CCDC191: variants seen among roughly 807,000 people sequenced by gnomAD.
CCDC191 encodes coiled-coil domain-containing protein 191.
A neutral mutation model predicts 114.0 loss-of-function variants in CCDC191; 99 were observed. The observed-to-expected ratio is 0.87, with a 90% CI of 0.74 to 1.03. The LOEUF (loss-of-function observed/expected upper bound fraction) is 1.03. CCDC191 is among the 50% of genes least tolerant of loss of function. The probability of loss-of-function intolerance (pLI) is 0.00; values close to 1 mark genes in which losing one functional copy is unlikely to be tolerated. For missense variants in CCDC191, 973 were observed against 1,087.0 expected (o/e 0.90, Z 1.47); for synonymous variants, 351 against 376.0 (o/e 0.93, Z 0.77).
At chr3:113,997,851 G>A (rs2107649285) in intron 13 of CCDC191, among the ~76,000 whole-genome samples, 1 of 152,234 alleles carries the variant, frequency 6.6e-6, no homozygotes, top group South Asian at 2.1e-4. Context: ...AATTCATAGT[G>A]CCACACATTA....
chr3:114,000,177 G>A (rs1386934733), intron 13 of CCDC191, among the ~76,000 whole-genome samples: 1 of 152,204 alleles, frequency 6.6e-6, no homozygotes, highest in Non-Finnish European at 1.5e-5. Context: ...ATTAGCATTT[G>A]AGTTGGTGGC....
intron 13 of CCDC191, among the ~76,000 whole-genome samples, chr3:113,986,416 C>A (rs1017161526): frequency 1.1e-4 from 17 of 152,060 alleles, no homozygotes; most frequent in Middle Eastern, 3.2e-3. Context: ...GAAGAAATAA[C>A]GGGCAAACAT....
chr3:113,990,941 A>C (rs2075537582), intron 13 of CCDC191, among the ~76,000 whole-genome samples: 1 of 149,320 alleles, frequency 6.7e-6, no homozygotes, highest in Non-Finnish European at 1.5e-5. Context: ...CAAAAAAAAA[A>C]AAAAAAAAAA....
chr3:113,996,428 G>A (rs1039217283), intron 13 of CCDC191, among the ~76,000 whole-genome samples: 2 of 152,124 alleles, frequency 1.3e-5, no homozygotes, highest in Admixed American at 1.3e-4. Flanking sequence ...TAGATGTGTG[G>A]TGTTACTTCT....
chr3:114,019,526 C>A (rs904915911), intron 7 of CCDC191, among the ~76,000 whole-genome samples: 2 of 152,276 alleles, frequency 1.3e-5, no homozygotes, highest in East Asian at 1.9e-4. Flanking sequence ...AACTCATGAT[C>A]CTAGTCTAAG....
At chr3:114,015,303 T>C (rs1266537833) in intron 8 of CCDC191, among the ~76,000 whole-genome samples, 1 of 152,122 alleles carries the variant, frequency 6.6e-6, no homozygotes, top group Non-Finnish European at 1.5e-5. Flanking sequence ...GATTAAAGAC[T>C]GTGGAGGTTA....
intron 7 of CCDC191, among the ~76,000 whole-genome samples, chr3:114,030,653 A>G (rs1254931013): frequency 6.6e-6 from 1 of 152,202 alleles, no homozygotes; most frequent in Non-Finnish European, 1.5e-5. Flanking sequence ...TCACCATCAA[A>G]TATGTCTATC....
intron 13 of CCDC191, among the ~76,000 whole-genome samples, chr3:113,991,395 T>G (rs182238866): frequency 9.2e-5 from 14 of 151,812 alleles, no homozygotes; most frequent in Admixed American, 3.3e-4. Flanking sequence ...AATCAATCAA[T>G]GTAGTTTACC....
chr3:114,042,625 G>A (rs2076578189), intron 4 of CCDC191, 78 bp downstream of exon 4: 3 of 1,182,078 alleles, frequency 2.5e-6, no homozygotes, highest in Non-Finnish European at 3.4e-6. Context: ...TGTATCATTT[G>A]TTATTCAAAA....
At chr3:113,994,695 C>T (rs189582775) in intron 13 of CCDC191, among the ~76,000 whole-genome samples, 177 of 151,674 alleles carry the variant, frequency 1.2e-3, no homozygotes, top group African/African-American at 4.0e-3. Flanking sequence ...GCGATCCTCC[C>T]ACCTCAGCCT....
At chr3:114,041,812 G>C (rs1302561290) in intron 4 of CCDC191, among the ~76,000 whole-genome samples, 2 of 152,062 alleles carry the variant, frequency 1.3e-5, no homozygotes, top group Non-Finnish European at 2.9e-5. Flanking sequence ...AAAATACTCA[G>C]ACCCTTGAGT....
chr3:114,053,489 T>C (rs2076724813), intron 2 of CCDC191, 108 bp downstream of exon 2: 1 of 537,704 alleles, frequency 1.9e-6, no homozygotes, highest in East Asian at 3.4e-5. Context: ...CACACGGGAA[T>C]AAAAATAGCA....
chr3:113,984,192 GC>G (rs2107619616), intron 13 of CCDC191: 1 of 151,726 alleles, frequency 6.6e-6, no homozygotes, highest in Admixed American at 6.6e-5. Flanking sequence ...ATATATGATT[GC>G]CCCAGAGACT....
At chr3:113,980,613 A>C in intron 14 of CCDC191, 37 bp downstream of exon 14, 1 of 1,522,686 alleles carries the variant, frequency 6.6e-7, no homozygotes, top group Non-Finnish European at 8.7e-7. Context: ...GGAAAAGTCC[A>C]TTTTCTAATC....
chr3:114,009,360 A>G (rs2076027915), intron 9 of CCDC191, among the ~76,000 whole-genome samples: 2 of 152,260 alleles, frequency 1.3e-5, no homozygotes, highest in Non-Finnish European at 2.9e-5. Context: ...TAAAACACAA[A>G]CATTGCACAG....
At chr3:113,994,950 A>C (rs1391292342) in intron 13 of CCDC191, among the ~76,000 whole-genome samples, 1 of 152,202 alleles carries the variant, frequency 6.6e-6, no homozygotes, top group Non-Finnish European at 1.5e-5. Flanking sequence ...AATTGCCAGA[A>C]ACTGGAAGCA....
At chr3:114,039,067 C>A (rs1453156463) in intron 4 of CCDC191, among the ~76,000 whole-genome samples, 1 of 151,986 alleles carries the variant, frequency 6.6e-6, no homozygotes, top group Admixed American at 6.6e-5. Context: ...CTCAAAAAAT[C>A]TTAAGAATAC....
At chr3:114,018,603 G>C in intron 8 of CCDC191, 75 bp downstream of exon 8, 1 of 1,226,218 alleles carries the variant, frequency 8.2e-7, no homozygotes, top group Non-Finnish European at 1.1e-6. Flanking sequence ...CATGTGTAAA[G>C]TTTATTTGTG....
chr3:114,001,004 C>T (rs1345933167), intron 13 of CCDC191, among the ~76,000 whole-genome samples: 1 of 152,128 alleles, frequency 6.6e-6, no homozygotes, highest in Non-Finnish European at 1.5e-5. Flanking sequence ...TACTCTACTA[C>T]AGTGTCTCTG....
Sources: allele counts gnomAD v4.1 joint callset (sites outside exome capture counted in the v4.1 genomes callset), GRCh38; gene constraint gnomAD v4.1.1; transcripts MANE v1.5; gene names NCBI Gene and HGNC (gene_info 2026-07-23, HGNC 2026-07-21).